Variants in SKI observed in about 807,000 individuals in gnomAD.
SKI encodes ski oncogene.
A neutral mutation model predicts 59.3 loss-of-function variants in SKI; 23 were observed. The ratio of observed to expected loss-of-function variants is 0.39; its 90% CI spans 0.28 to 0.55. The LOEUF is 0.55. SKI is among the 20% of genes least tolerant of loss of function. The pLI, the probability that SKI is intolerant of heterozygous loss-of-function variation, is 0.67. For synonymous variants in SKI, 673 were observed against 488.6 expected, an observed-to-expected ratio of 1.38 and a Z score of -4.98; for missense variants, 1,017 against 1,038.9, an observed-to-expected ratio of 0.98 and a Z score of 0.29.
At position 2,307,831 on chromosome 1, in the gene SKI, CT is replaced by C. The variant is rs1640636105; in HGVS notation, c.*1068del. 1 of 152,520 alleles carries C rather than the reference CT, an allele frequency of 6.6e-6. No individual in the cohort carries two copies. Among genetic ancestry groups the C allele is most frequent in the Non-Finnish European group, 1.5e-5 (1 of 68,036 alleles). 9.4% of individuals were successfully genotyped at this position (152,520 alleles called of 1,614,324 possible). A position where few individuals can be genotyped will look rare whatever the true frequency, so the allele number is the denominator to read the frequency against. On this transcript the variant is annotated 3_prime_UTR_variant, in exon 7 of 7. Transcript: ENST00000378536. ...CAGTCAAATCCGAAGTGCTCGAGTG[CT>C]TAGAAACCCCCTCTGGTGCTTGGTT... is the stretch of plus-strand genomic sequence containing the variant.
At chr1:2,265,866 G>A (rs1261716308) in intron 1 of SKI, among the ~76,000 whole-genome samples, 1 of 152,128 alleles carries the variant, frequency 6.6e-6, no homozygotes, top group Non-Finnish European at 1.5e-5. Context: ...TACTCAGGAG[G>A]CTGAGGTGGG....
At chr1:2,275,731 C>G (rs1019420421) in intron 1 of SKI, among the ~76,000 whole-genome samples, 2 of 152,228 alleles carry the variant, frequency 1.3e-5, no homozygotes, top group African/African-American at 2.4e-5. Context: ...CCAGGATGCT[C>G]TCGATCTCCT....
chr1:2,266,564 GC>G (rs1395932504), intron 1 of SKI, among the ~76,000 whole-genome samples: 1 of 152,130 alleles, frequency 6.6e-6, no homozygotes, highest in Non-Finnish European at 1.5e-5. Flanking sequence ...GTCCTTTGCT[GC>G]CTGACCTCCA....
rs1640471884 is a variant in SKI, at chr1:2,303,237, G to A, written c.1096-48G>A. On this transcript the variant is annotated intron_variant, in intron 2 of 6. Coordinates refer to ENST00000378536, the MANE Select transcript of SKI (RefSeq NM_003036.4). The surrounding 1 kb of genome is among the most constrained non-coding windows in gnomAD (Gnocchi z 5.6). The stretch of plus-strand genomic sequence containing the variant: ...CGGCGCAGCCTCAGGGACATGAAGT[G>A]GCTTGTTTTTCTCCTGGTCACTCAC... The A allele has an allele frequency of 6.2e-7, 1 of 1,605,430 alleles. No homozygotes were observed. The highest frequency in any genetic ancestry group is 8.5e-7 in the Non-Finnish European group (1 of 1,173,762).
At chr1:2,231,599 C>T (rs1397214635) in intron 1 of SKI, among the ~76,000 whole-genome samples, 1 of 152,230 alleles carries the variant, frequency 6.6e-6, no homozygotes, top group Non-Finnish European at 1.5e-5. Flanking sequence ...CCGCCTTTCC[C>T]TTTTGAAGTC....
At chr1:2,283,765 C>T (rs563974159) in intron 1 of SKI, among the ~76,000 whole-genome samples, 7 of 152,316 alleles carry the variant, frequency 4.6e-5, no homozygotes, top group African/African-American at 1.7e-4. Context: ...CGAAGCTGCC[C>T]CAAGGGTACG....
intron 1 of SKI, among the ~76,000 whole-genome samples, chr1:2,250,692 C>T (rs1430088805): frequency 6.6e-6 from 1 of 152,256 alleles, no homozygotes; most frequent in East Asian, 1.9e-4. Flanking sequence ...GTGACCGTGA[C>T]ACGGTGACCA....
intron 1 of SKI, among the ~76,000 whole-genome samples, chr1:2,285,696 T>C (rs534218899): frequency 1.1e-4 from 17 of 150,248 alleles, no homozygotes; most frequent in Non-Finnish European, 2.5e-4. Context: ...CCCTAGTAGC[T>C]GGGATTACAG....
intron 1 of SKI, among the ~76,000 whole-genome samples, chr1:2,280,383 A>C (rs1357928452): frequency 6.6e-6 from 1 of 151,606 alleles, no homozygotes; most frequent in Admixed American, 6.6e-5. Context: ...CTCAAAAAAA[A>C]AAAAAGTCTG....
At chr1:2,266,399 G>A (rs1002546867) in intron 1 of SKI, among the ~76,000 whole-genome samples, 21 of 152,248 alleles carry the variant, frequency 1.4e-4, no homozygotes, top group African/African-American at 4.8e-4. Flanking sequence ...AATTCCAGCC[G>A]CCATGCTCTC....
At chr1:2,294,473 G>C (rs933341997) in intron 1 of SKI, among the ~76,000 whole-genome samples, 7 of 152,202 alleles carry the variant, frequency 4.6e-5, no homozygotes, top group African/African-American at 1.7e-4. Context: ...AGGCCCCAGA[G>C]ACCACCTGAC....
At chr1:2,263,643 T>C (rs1438203589) in intron 1 of SKI, among the ~76,000 whole-genome samples, 2 of 152,056 alleles carry the variant, frequency 1.3e-5, no homozygotes, top group African/African-American at 4.8e-5. Flanking sequence ...AATGTTCTTG[T>C]AGAATGATTT....
At chr1:2,235,408 T>C (rs1038639322) in intron 1 of SKI, among the ~76,000 whole-genome samples, 7 of 152,198 alleles carry the variant, frequency 4.6e-5, no homozygotes, top group Non-Finnish European at 5.9e-5. Flanking sequence ...TCGCCCCCAC[T>C]GTGCCACCTG....
At chr1:2,280,430 A>C (rs945457082) in intron 1 of SKI, among the ~76,000 whole-genome samples, 16 of 150,964 alleles carry the variant, frequency 1.1e-4, no homozygotes, top group African/African-American at 1.7e-4. Flanking sequence ...TGCCCCTTCT[A>C]CCCTCGTTGG....
chr1:2,284,504 C>T (rs1007152010), intron 1 of SKI, among the ~76,000 whole-genome samples: 1 of 152,202 alleles, frequency 6.6e-6, no homozygotes, highest in Non-Finnish European at 1.5e-5. Flanking sequence ...TGTCCCTGTT[C>T]TGTGGAGCAG....
At chr1:2,294,680 C>T (rs549793549) in intron 1 of SKI, among the ~76,000 whole-genome samples, 28 of 152,244 alleles carry the variant, frequency 1.8e-4, no homozygotes, top group Non-Finnish European at 4.1e-4. Context: ...GCATGTTTGT[C>T]CCCATGGCAG....
At chr1:2,241,907 A>T (rs1318332203) in intron 1 of SKI, among the ~76,000 whole-genome samples, 1 of 152,194 alleles carries the variant, frequency 6.6e-6, no homozygotes, top group East Asian at 1.9e-4. Flanking sequence ...GGACCCAGGG[A>T]CAGCACTGCG....
chr1:2,245,731 C>G (rs1046451723), intron 1 of SKI, among the ~76,000 whole-genome samples: 1 of 151,014 alleles, frequency 6.6e-6, no homozygotes, highest in Admixed American at 6.6e-5. Flanking sequence ...CCGCCTTGGC[C>G]TCCTAAAGTG....
rs150417358 is a variant in SKI, at chr1:2,303,787, TG to T, written c.1212-50del. 4,587 of 1,604,752 alleles carry T rather than the reference TG, an allele frequency of 2.9e-3. 87 individuals carry two copies. The African/African-American group carries it at 0.046, about 16-fold the overall frequency. On this transcript the variant is annotated intron_variant, in intron 3 of 6. Transcript: ENST00000378536. This position sits in a 1 kb window ranked among gnomAD's most constrained non-coding sequence, Gnocchi z 5.6. ...GAGGGGGTGTGCGCCAGGATGTGTC[TG>T]GGTGGTGCTTGGGGACAGAGGCACC...
Sources: allele counts gnomAD v4.1 joint callset (sites outside exome capture counted in the v4.1 genomes callset), GRCh38; gene constraint gnomAD v4.1.1; non-coding constraint Gnocchi (gnomAD v3.1); transcripts MANE v1.5; gene names NCBI Gene and HGNC (gene_info 2026-07-23, HGNC 2026-07-21).